The following SGCD variants were observed in gnomAD, a reference collection of about 807,000 sequenced individuals.
SGCD encodes the protein sarcoglycan delta, also known as delta-sarcoglycan.
A neutral mutation model predicts 36.6 loss-of-function variants in SGCD; 18 were observed. That is an observed-to-expected ratio of 0.49 (90% CI 0.34 to 0.73). The LOEUF (loss-of-function observed/expected upper bound fraction) is 0.73. Among genes scored for constraint, SGCD ranks in the 30% least tolerant of loss-of-function variants. SGCD has a pLI of 0.01. For missense variants in SGCD, 387 were observed against 346.7 expected (o/e 1.12, Z -0.92); for synonymous variants, 133 against 130.6 (o/e 1.02, Z -0.12).
intron 3 of SGCD, among the ~76,000 whole-genome samples, chr5:156,448,731 C>CT (rs1158844774): frequency 0.018 from 1,352 of 76,088 alleles, 111 homozygotes; most frequent in African/African-American, 0.032. Flanking sequence ...TTTTCTTTTT[C>CT]TTTTTTTTTT....
chr5:155,914,654 A>G (rs1756700870), intron 1 of SGCD, among the ~76,000 whole-genome samples: 1 of 152,102 alleles, frequency 6.6e-6, no homozygotes, highest in South Asian at 2.1e-4. Flanking sequence ...ACACCTCCAA[A>G]CTTCCTACTT....
chr5:156,337,524 G>T (rs560045411), intron 2 of SGCD, among the ~76,000 whole-genome samples: 1 of 152,038 alleles, frequency 6.6e-6, no homozygotes, highest in Non-Finnish European at 1.5e-5. Flanking sequence ...TCTTCAGGCC[G>T]TAGTGCTTGC....
chr5:156,056,583 A>G (rs112869852), intron 1 of SGCD, among the ~76,000 whole-genome samples: 5 of 134,978 alleles, frequency 3.7e-5, no homozygotes, highest in African/African-American at 1.4e-4. Flanking sequence ...CTATGATTTC[A>G]TCTCCTACCC....
rs544103185 is a variant in SGCD at position 156,614,913 on chromosome 5, A to G, written c.502+19862A>G. Among the ~76,000 whole-genome samples, 17 of 152,254 alleles carry G rather than the reference A, an allele frequency of 1.1e-4. 1 individual carries two copies. Among genetic ancestry groups the G allele is most frequent in the African/African-American group, 4.1e-4 (17 of 41,536 alleles). On this transcript the variant is annotated intron_variant, in intron 6 of 8. Coordinates refer to ENST00000337851, the MANE Select transcript of SGCD (RefSeq NM_000337.6). The stretch of plus-strand genomic sequence containing the variant: ...TCCTAGTCTTCAGGGCCTTGCTTTC[A>G]TTCAGGTACCAGTTGTCTTTTTTCA...
chr5:156,603,378 AC>A (rs1561807619), intron 6 of SGCD, among the ~76,000 whole-genome samples: 2 of 152,064 alleles, frequency 1.3e-5, no homozygotes, highest in African/African-American at 2.4e-5. Context: ...TTTCAAAAAA[AC>A]AACTTTGTTT....
chr5:155,833,620 A>C, the SGCD span, among the ~76,000 whole-genome samples: 1 of 152,198 alleles, frequency 6.6e-6, no homozygotes, highest in South Asian at 2.1e-4. Flanking sequence ...AAGGGGGGAA[A>C]AGTCTATCTG....
chr5:155,909,097 G>A (rs1319635965), intron 1 of SGCD, among the ~76,000 whole-genome samples: 6 of 152,086 alleles, frequency 3.9e-5, no homozygotes, highest in African/African-American at 1.4e-4. Flanking sequence ...GGCTCTGAGA[G>A]GGTGGGGAAT....
chr5:156,713,175 T>C (rs1212844075), intron 7 of SGCD, among the ~76,000 whole-genome samples: 2 of 152,100 alleles, frequency 1.3e-5, no homozygotes, highest in African/African-American at 4.8e-5. Context: ...CTTGGCTAGG[T>C]AGGACAGACA....
intron 1 of SGCD, among the ~76,000 whole-genome samples, chr5:156,102,275 A>T (rs1350563047): frequency 1.3e-5 from 2 of 152,064 alleles, no homozygotes; most frequent in African/African-American, 4.8e-5. Flanking sequence ...AACATTTAAA[A>T]CATCATCTGT....
At chr5:156,731,063 T>C (rs1756035674) in intron 7 of SGCD, among the ~76,000 whole-genome samples, 1 of 152,220 alleles carries the variant, frequency 6.6e-6, no homozygotes, top group Admixed American at 6.5e-5. Context: ...AAAGTATCTG[T>C]TCATGTCCTT....
intron 3 of SGCD, among the ~76,000 whole-genome samples, chr5:156,402,236 A>C (rs1200170551): frequency 6.6e-6 from 1 of 152,188 alleles, no homozygotes; most frequent in East Asian, 1.9e-4. Context: ...TTCATGCACA[A>C]ATATCTGTTG....
rs112698814 is a variant in SGCD, at chr5:156,680,513, C to T, written c.575+32977C>T. ...GTAAGAAAATCCAGGCTGAAATGCA[C>T]TCACTGGGTTTTGGAAGGCTTGTCA... On this transcript the variant is annotated intron_variant, in intron 7 of 8. Transcript: ENST00000337851. 8.7e-3 allele frequency among the ~76,000 whole-genome samples: 1,322 copies of T among 152,292 alleles called. 24 individuals are homozygous for T. Among genetic ancestry groups the T allele is most frequent in the African/African-American group, 0.03 (1,258 of 41,560 alleles).
intron 1 of SGCD, among the ~76,000 whole-genome samples, chr5:155,935,235 T>C (rs990471307): frequency 7.2e-5 from 11 of 152,240 alleles, no homozygotes; most frequent in African/African-American, 2.4e-4. Flanking sequence ...TTGTATATCT[T>C]ATTTAATCTT....
Position 156,062,536 on chromosome 5 carries a change from T to G in SGCD, c.-281-55342T>G, listed in dbSNP as rs1188373640. Among the ~76,000 whole-genome samples the G allele has an allele frequency of 4.7e-4, 54 of 115,182 alleles. 2 individuals carry two copies. Among genetic ancestry groups the G allele is most frequent in the Non-Finnish European group, 7.3e-4 (41 of 56,392 alleles). 75.6% of individuals were successfully genotyped at this position (115,182 alleles called of 152,430 possible). The stretch of plus-strand genomic sequence containing the variant: ...GACTTCCACAATGGTTGAACTAGTT[T>G]ACAGTCCCACCAACAGTGTAAAAGT... On this transcript the variant is annotated intron_variant, in intron 1 of 9. Coordinates refer to the SGCD transcript ENST00000517913.
chr5:156,248,798 C>T (rs374053704), intron 3 of SGCD, among the ~76,000 whole-genome samples: 28 of 152,220 alleles, frequency 1.8e-4, no homozygotes, highest in Middle Eastern at 6.8e-3. Context: ...GGATTAAACA[C>T]GGATGATAGC....
chr5:155,796,806 C>CAAAAAAAAAAAAAAAAAA, the SGCD span, among the ~76,000 whole-genome samples: 49 of 51,318 alleles, frequency 9.5e-4, no homozygotes, highest in East Asian at 1.2e-3. Context: ...AACTCCATCT[C>CAAAAAAAAAAAAAAAAAA]AAAAAAAAAA....
intron 1 of SGCD, among the ~76,000 whole-genome samples, chr5:155,894,154 G>A (rs1299071569): frequency 6.6e-6 from 1 of 152,064 alleles, no homozygotes; most frequent in Non-Finnish European, 1.5e-5. Context: ...TGGCCACTTA[G>A]GCCACACTAA....
the SGCD span, among the ~76,000 whole-genome samples, chr5:155,792,470 G>C: frequency 5.7e-4 from 79 of 137,468 alleles, no homozygotes; most frequent in African/African-American, 2.0e-3. Context: ...GAATAAACAG[G>C]CTACATAATG....
At chr5:156,562,525 C>T (rs1257650123) in intron 4 of SGCD, among the ~76,000 whole-genome samples, 1 of 152,104 alleles carries the variant, frequency 6.6e-6, no homozygotes, top group Non-Finnish European at 1.5e-5. Context: ...TGGCGTGGAC[C>T]TCCTAGGGTC....
Sources: allele counts gnomAD v4.1 joint callset (sites outside exome capture counted in the v4.1 genomes callset), GRCh38; gene constraint gnomAD v4.1.1; transcripts MANE v1.5; gene names NCBI Gene and HGNC (gene_info 2026-07-23, HGNC 2026-07-21).